Variants in COQ8A observed in about 807,000 individuals in gnomAD.
The protein encoded by COQ8A is coenzyme Q8A.
COQ8A carries 51 observed loss-of-function variants against 65.0 expected under a neutral mutation model. The observed-to-expected ratio is 0.78, with a 90% CI of 0.63 to 0.99. COQ8A has a LOEUF of 0.99. Among genes scored for constraint, COQ8A ranks in the 50% least tolerant of loss-of-function variants. The pLI, the probability that COQ8A is intolerant of heterozygous loss-of-function variation, is 0.00. For synonymous variants in COQ8A, 371 were observed against 353.2 expected (o/e 1.05, Z -0.57); for missense variants, 940 against 875.0 (o/e 1.07, Z -0.94).
intron 5 of COQ8A, among the ~76,000 whole-genome samples, chr1:226,979,385 A>G (rs1016483947): frequency 2.0e-5 from 3 of 152,156 alleles, no homozygotes; most frequent in Non-Finnish European, 4.4e-5. Context: ...GGGGCGGGCC[A>G]GGTAGGTGCG....
chr1:226,941,207 T>C (rs1249895566), intron 1 of COQ8A, among the ~76,000 whole-genome samples: 2 of 152,184 alleles, frequency 1.3e-5, no homozygotes, highest in African/African-American at 4.8e-5. Flanking sequence ...TGTGCAGTCT[T>C]CCAGCCTGAG....
At chr1:226,941,631 CGGAT>C (rs1656699325) in intron 1 of COQ8A, among the ~76,000 whole-genome samples, 2 of 151,870 alleles carry the variant, frequency 1.3e-5, no homozygotes, top group Admixed American at 1.3e-4. Flanking sequence ...GAAAATTAGC[CGGAT>C]GTGGTGGCGG....
At chr1:226,985,034 C>T in intron 13 of COQ8A, 93 bp downstream of exon 13, 1 of 1,508,224 alleles carries the variant, frequency 6.6e-7, no homozygotes, top group Non-Finnish European at 9.1e-7. Flanking sequence ...GACTGGGTTC[C>T]TGCCCTTGTG....
At chr1:226,963,298 G>A (rs867189641) in intron 2 of COQ8A, among the ~76,000 whole-genome samples, 2 of 152,338 alleles carry the variant, frequency 1.3e-5, no homozygotes, top group Middle Eastern at 3.4e-3. Flanking sequence ...TCAGTGCTTC[G>A]CTTTTCCGTG....
intron 1 of COQ8A, among the ~76,000 whole-genome samples, chr1:226,944,718 AG>A (rs1558176498): frequency 3.1e-4 from 10 of 31,778 alleles, no homozygotes; most frequent in African/African-American, 1.6e-3. Context: ...AGAGAGAGAG[AG>A]AGAGAGAGAG....
intron 1 of COQ8A, among the ~76,000 whole-genome samples, chr1:226,961,025 C>T (rs756947292): frequency 3.7e-4 from 56 of 152,096 alleles, no homozygotes; most frequent in Non-Finnish European, 6.8e-4. Context: ...GGAGTCTGTG[C>T]GCCTGACTCA....
In COQ8A at chr1:226,984,670, G is replaced by T. The variant is rs1015046300; in HGVS notation, c.1506+15G>T. On this transcript the variant is annotated intron_variant, in intron 12 of 14. Transcript: ENST00000366777. ...AGCAGCACAAGGTGAGCCCCAGGGT[G>T]GGGGCACCCGCAGCCAGGCCTGAGA... The T allele has an allele frequency of 3.1e-6, 5 of 1,608,378 alleles. No homozygotes were observed. The African/African-American group carries it at 6.7e-5, about 21-fold the overall frequency.
At chr1:226,984,485 C>T (rs943789764) in intron 11 of COQ8A, 63 bp from the exon 12 acceptor site, 1 of 1,449,176 alleles carries the variant, frequency 6.9e-7, no homozygotes, top group Non-Finnish European at 9.7e-7. Flanking sequence ...TCTCTGGCCC[C>T]AGTCTCCCAG....
At chr1:226,952,770 A>C (rs1428580899) in intron 1 of COQ8A, among the ~76,000 whole-genome samples, 1 of 152,144 alleles carries the variant, frequency 6.6e-6, no homozygotes, top group Non-Finnish European at 1.5e-5. Context: ...TTCTTTGTAG[A>C]ATATTTTAGA....
intron 6 of COQ8A, 98 bp from the exon 7 acceptor site, chr1:226,982,580 G>C (rs1450157987): frequency 3.1e-6 from 4 of 1,280,286 alleles, no homozygotes; most frequent in Non-Finnish European, 4.5e-6. Context: ...TGGTGGGGAG[G>C]GTGTGGTGGC....
At chr1:226,954,101 A>T (rs898873176) in intron 1 of COQ8A, among the ~76,000 whole-genome samples, 1 of 152,260 alleles carries the variant, frequency 6.6e-6, no homozygotes, top group Non-Finnish European at 1.5e-5. Flanking sequence ...CCCTCAGGGT[A>T]TCCTGAATAT....
At chr1:226,956,145 TTCTCCCTGGTTCACAC>T (rs1657732407) in intron 1 of COQ8A, among the ~76,000 whole-genome samples, 3 of 37,596 alleles carry the variant, frequency 8.0e-5, no homozygotes, top group Admixed American at 3.0e-4. Flanking sequence ...CTGGTTCCCA[TTCTCCCTGGTTCACAC>T]TCTCCCTGGT....
chr1:226,983,649 G>T lies in COQ8A; in HGVS notation c.1162+16G>T, dbSNP rs1306579941. The T allele has an allele frequency of 6.2e-7, 1 of 1,613,816 alleles. No homozygotes were observed. The highest frequency in any genetic ancestry group is 1.1e-5 in the South Asian group (1 of 91,086). Reference sequence around the variant, plus strand: ...CTTCCAGAAGGTCTGAGGCTAGGTGGTTGGGTCAAGGGCAGGAGTGGGTGG... The same window carrying T: ...CTTCCAGAAGGTCTGAGGCTAGGTGTTTGGGTCAAGGGCAGGAGTGGGTGG... On this transcript the variant is annotated intron_variant, in intron 9 of 14. Transcript: ENST00000366777.
chr1:226,977,744 A>C (rs529766996), intron 5 of COQ8A, among the ~76,000 whole-genome samples: 3 of 152,114 alleles, frequency 2.0e-5, no homozygotes, highest in Admixed American at 1.3e-4. Context: ...TCCCAGCCCA[A>C]AGTGGCCACC....
intron 1 of COQ8A, among the ~76,000 whole-genome samples, chr1:226,960,667 T>G (rs992450107): frequency 2.0e-4 from 30 of 151,826 alleles, no homozygotes; most frequent in African/African-American, 3.6e-4. Context: ...TGGTGGTGGT[T>G]GTTCATTTCT....
At chr1:226,956,675 C>T (rs1350542987) in intron 1 of COQ8A, among the ~76,000 whole-genome samples, 2 of 108,290 alleles carry the variant, frequency 1.8e-5, no homozygotes, top group Non-Finnish European at 3.8e-5. Context: ...CTCCCTGGTT[C>T]ACACTCTCCC....
At position 226,982,716 on chromosome 1, in the gene COQ8A, G is replaced by C. The variant is rs756432144; in HGVS notation, c.892G>C (p.Glu298Gln). The change falls in exon 7 of 15, where the codon GAG becomes CAG. Residue 298 changes from glutamate to glutamine, a missense_variant. Glu to Gln is a conservative substitution (Grantham distance 29). Transcript: ENST00000366777. ...CAACCCCCACCTGGCTAAGATCTTC[G>C]AGCGGGTGCGGCAGAGCGCGGACTT... ...FINPHLAKIF[E>Q]RVRQSADFMP... The C allele has an allele frequency of 1.4e-5, 23 of 1,613,534 alleles. No homozygotes were observed. In the Admixed American group the frequency reaches 3.8e-4, roughly 27 times the overall value.
chr1:226,978,185 CA>C (rs1420671719), intron 5 of COQ8A, among the ~76,000 whole-genome samples: 1 of 150,210 alleles, frequency 6.7e-6, no homozygotes, highest in Non-Finnish European at 1.5e-5. Flanking sequence ...ACATCCTCCA[CA>C]CACCCACCTC....
rs1260718001 is a variant in COQ8A at position 226,949,133 on chromosome 1, C to G, written c.-10+8734C>G. On this transcript the variant is annotated intron_variant, in intron 1 of 14. Coordinates refer to ENST00000366777, the MANE Select transcript of COQ8A (RefSeq NM_020247.5). The surrounding 1 kb of genome is among the most constrained non-coding windows in gnomAD (Gnocchi z 4.0). ...AGACGTACAGAGATGAAGGGGCGAG[C>G]GGGCCTGCCTGAGAAAGTAGGACCT... Among the ~76,000 whole-genome samples, 1 of 151,806 alleles carries G rather than the reference C, an allele frequency of 6.6e-6. No homozygotes were observed. Among genetic ancestry groups the G allele is most frequent in the African/African-American group, 2.4e-5 (1 of 41,342 alleles).
Sources: gnomAD v4.1 joint callset for allele counts (sites outside exome capture counted in the v4.1 genomes callset) on GRCh38, gnomAD v4.1.1 for gene constraint, Gnocchi (gnomAD v3.1) non-coding constraint, MANE v1.5 for transcripts, NCBI Gene and HGNC (gene_info 2026-07-23, HGNC 2026-07-21) for gene names.